Variants in TIGD3 observed in about 807,000 individuals in gnomAD.
TIGD3 encodes tigger transposable element derived 3, also known as tigger transposable element-derived protein 3.
In TIGD3, 7 loss-of-function variants were observed where a neutral mutation model predicts 14.8. The observed-to-expected ratio is 0.47, with a 90% CI of 0.27 to 0.89. TIGD3 has a LOEUF of 0.89. TIGD3 is among the 40% of genes least tolerant of loss of function. The probability of loss-of-function intolerance (pLI) is 0.13; values close to 1 mark genes in which losing one functional copy is unlikely to be tolerated. For synonymous variants in TIGD3, 243 were observed against 269.4 expected (o/e 0.90, Z 0.96); for missense variants, 581 against 611.0 (o/e 0.95, Z 0.52).
At position 65,357,035 on chromosome 11, in the gene TIGD3, G is replaced by A. The variant is rs545347445; in HGVS notation, c.1227G>A (p.Lys409=). ...EGEEPRSGVC[K]EEIGTEDEKG... is the part of the protein sequence containing the mutation. The stretch of plus-strand genomic sequence containing the variant: ...AGGAGCCAAGGTCTGGAGTATGTAA[G>A]GAGGAGATAGGCACTGAAGACGAGA... The change falls in exon 2 of 2, where the codon AAG becomes AAA. Residue 409 remains lysine, a synonymous_variant. Transcript: ENST00000309880. The A allele has an allele frequency of 8.7e-6, 14 of 1,613,988 alleles. No homozygotes were observed. In the East Asian group the frequency reaches 1.6e-4, roughly 18 times the overall value.
At chr11:65,355,266 C>T (rs1854831598) in intron 1 of TIGD3, among the ~76,000 whole-genome samples, 1 of 152,084 alleles carries the variant, frequency 6.6e-6, no homozygotes. Flanking sequence ...CAGGACCCGG[C>T]ACCAAATTAG....
At position 65,357,033 on chromosome 11, in the gene TIGD3, AAGG is replaced by A. The variant is rs762197302; in HGVS notation, c.1231_1233del (p.Glu411del). On this transcript the variant is annotated inframe_deletion, in exon 2 of 2. Coordinates refer to ENST00000309880, the MANE Select transcript of TIGD3 (RefSeq NM_145719.3). ...TGAGGAGCCAAGGTCTGGAGTATGTAAGGAGGAGATAGGCACTGAAGACGAGAA... is the reference window on the plus strand; with the variant it reads ...TGAGGAGCCAAGGTCTGGAGTATGTAAGGAGATAGGCACTGAAGACGAGAA... 1.2e-6 allele frequency: 2 copies of A among 1,613,934 alleles called. No individual in the cohort carries two copies. Among genetic ancestry groups the A allele is most frequent in the South Asian group, 1.1e-5 (1 of 91,074 alleles).
intron 1 of TIGD3, 57 bp downstream of exon 1, chr11:65,355,014 A>G (rs1473001971): frequency 2.0e-5 from 3 of 151,598 alleles, no homozygotes; most frequent in Non-Finnish European, 2.9e-5. Context: ...CCGCCGACAT[A>G]CTCCGGGTCG....
In TIGD3 at chr11:65,356,524, T is replaced by A. The variant is rs1482345698; in HGVS notation, c.716T>A (p.Leu239Gln). Residue 239 changes from leucine (L) to glutamine (Q), a missense_variant, in exon 2 of 2, where the codon CTG becomes CAG. Physicochemically the swap from Leu to Gln is moderately radical, Grantham distance 113. Transcript: ENST00000309880. This position sits in a 1 kb window ranked among gnomAD's most constrained non-coding sequence, Gnocchi z 5.2. ...EALPASYHPD[L>Q]GIPWLEWLAQ... Reference sequence around the variant, plus strand: ...CTGCCTGCCTCCTACCACCCGGACCTGGGCATCCCCTGGTTAGAGTGGTTG... The same window carrying A: ...CTGCCTGCCTCCTACCACCCGGACCAGGGCATCCCCTGGTTAGAGTGGTTG... 6 of 1,607,068 alleles carry A rather than the reference T, an allele frequency of 3.7e-6. No individual in the cohort carries two copies. Among genetic ancestry groups the A allele is most frequent in the Non-Finnish European group, 4.2e-6 (5 of 1,179,944 alleles).
Position 65,356,226 on chromosome 11 carries a change from G to GTTCT in TIGD3, c.420_423dup (p.Ala142SerfsTer8), listed in dbSNP as rs1453637466. The GTTCT allele has an allele frequency of 5.0e-6, 8 of 1,613,022 alleles. No homozygotes were observed. The highest frequency in any genetic ancestry group is 6.8e-6 in the Non-Finnish European group (8 of 1,180,036). ...CAACGTCGGCTTTGGGGCCCGCCAT[G>GTTCT]TTCTTGCGCCTTCATTCCCCCCTGA... On this transcript the variant is annotated frameshift_variant, in exon 2 of 2. Coordinates refer to ENST00000309880, the MANE Select transcript of TIGD3 (RefSeq NM_145719.3). LOFTEE classifies it high-confidence loss of function. The surrounding 1 kb of genome is among the most constrained non-coding windows in gnomAD (Gnocchi z 5.2).
rs1184306114 is a variant in TIGD3, at chr11:65,354,793, C to T, written c.-181C>T. The T allele has an allele frequency of 2.7e-5, 4 of 150,692 alleles. No homozygotes were observed. Among genetic ancestry groups the T allele is most frequent in the Non-Finnish European group, 4.4e-5 (3 of 67,612 alleles). 9.3% of individuals were successfully genotyped at this position (150,692 alleles called of 1,614,324 possible). A position where few individuals can be genotyped will look rare whatever the true frequency, so the allele number is the denominator to read the frequency against. ...CGGCGCGGGCGGCGCGCACGGGACT[C>T]TGCTGTGCGCGCGCCCGCCCGCCCG... On this transcript the variant is annotated 5_prime_UTR_variant, in exon 1 of 2. Transcript: ENST00000309880.
In TIGD3 at chr11:65,355,992, G is replaced by C; in HGVS notation, c.184G>C (p.Gly62Arg). ...KEKLLADWCS[G>R]TANRERKRKR... is the part of the protein sequence containing the mutation. ...GAAGCTGCTGGCGGACTGGTGCAGC[G>C]GCACAGCCAACCGAGAGCGCAAGCG... Residue 62 changes from glycine (G) to arginine (R), a missense_variant, in exon 2 of 2, where the codon GGC becomes CGC. Physicochemically the swap from Gly to Arg is moderately radical, Grantham distance 125 (BLOSUM62 -2). Transcript: ENST00000309880. The C allele has an allele frequency of 6.2e-7, 1 of 1,613,806 alleles. No homozygotes were observed. Among genetic ancestry groups the C allele is most frequent in the Non-Finnish European group, 8.5e-7 (1 of 1,180,044 alleles).
In TIGD3 at chr11:65,357,312, C is replaced by A; in HGVS notation, c.*88C>A. 1 of 1,262,490 alleles carries A rather than the reference C, an allele frequency of 7.9e-7. No homozygotes were observed. The highest frequency in any genetic ancestry group is 1.1e-6 in the Non-Finnish European group (1 of 900,900). 78.2% of individuals were successfully genotyped at this position (1,262,490 alleles called of 1,614,324 possible). ...AGAAGGCAGATCGGGCTGTCTCTTT[C>A]CTGTGGAAATAGAACTGTCGTAAAG... On this transcript the variant is annotated 3_prime_UTR_variant, in exon 2 of 2. Coordinates refer to ENST00000309880, the MANE Select transcript of TIGD3 (RefSeq NM_145719.3).
Position 65,356,220 on chromosome 11 carries a change from C to A in TIGD3, c.412C>A (p.Arg138Ser). ...KRRNNVGFGA[R>S]HVLAPSFPPE... ...CCGAAACAACGTCGGCTTTGGGGCC[C>A]GCCATGTTCTTGCGCCTTCATTCCC... is the stretch of plus-strand genomic sequence containing the variant. The change falls in exon 2 of 2, where the codon CGC becomes AGC. Residue 138 changes from arginine (R) to serine (S), a missense_variant. Coordinates refer to ENST00000309880, the MANE Select transcript of TIGD3 (RefSeq NM_145719.3). The surrounding 1 kb of genome is among the most constrained non-coding windows in gnomAD (Gnocchi z 5.2). 1 of 1,613,030 alleles carries A rather than the reference C, an allele frequency of 6.2e-7. No homozygotes were observed. Among genetic ancestry groups the A allele is most frequent in the Non-Finnish European group, 8.5e-7 (1 of 1,180,012 alleles).
Position 65,357,089 on chromosome 11 carries a change from C to T in TIGD3, c.1281C>T (p.Pro427=). ...EKGDREGAFE[P]LPTKADALRA... ...GGGACAGAGAGGGTGCCTTTGAGCCCCTGCCCACCAAAGCTGATGCCCTCC... is the reference window on the plus strand; with the variant it reads ...GGGACAGAGAGGGTGCCTTTGAGCCTCTGCCCACCAAAGCTGATGCCCTCC... The change falls in exon 2 of 2, where the codon CCC becomes CCT. Residue 427 remains proline (P), a synonymous_variant. Transcript: ENST00000309880. The T allele has an allele frequency of 6.2e-7, 1 of 1,613,794 alleles. No homozygotes were observed. Among genetic ancestry groups the T allele is most frequent in the Non-Finnish European group, 8.5e-7 (1 of 1,179,798 alleles).
rs772736401 is a variant in TIGD3 at position 65,356,675 on chromosome 11, C to T, written c.867C>T (p.Ala289=). 19 of 1,613,212 alleles carry T rather than the reference C, an allele frequency of 1.2e-5. No individual in the cohort carries two copies. Among genetic ancestry groups the T allele is most frequent in the Non-Finnish European group, 1.4e-5 (16 of 1,180,022 alleles). The change falls in exon 2 of 2, where the codon GCC becomes GCT. Residue 289 remains alanine, a synonymous_variant. Coordinates refer to ENST00000309880, the MANE Select transcript of TIGD3 (RefSeq NM_145719.3). This position sits in a 1 kb window ranked among gnomAD's most constrained non-coding sequence, Gnocchi z 5.2. ...ACGTGAAGCTCTTGCCTCTGGCCGC[C>T]TCTAGCACCACGCCTCCCCTGCCCA... ...LYHVKLLPLA[A]SSTTPPLPSS...
At position 65,355,829 on chromosome 11, in the gene TIGD3, G is replaced by T. The variant is rs1224864861; in HGVS notation, c.21G>T (p.Lys7Asn). 4 of 1,612,740 alleles carry T rather than the reference G, an allele frequency of 2.5e-6. No homozygotes were observed. Among genetic ancestry groups the T allele is most frequent in the East Asian group, 2.2e-5 (1 of 44,854 alleles). Residue 7 changes from lysine to asparagine, a missense_variant, in exon 2 of 2, where the codon AAG becomes AAT. Lys to Asn is a moderately conservative substitution (Grantham distance 94, BLOSUM62 0). Transcript: ENST00000309880. ...AGGCCATGGAGCTGAGCAGCAAGAA[G>T]AAGCTTCACGCCCTGTCCCTGGCCG... MELSSK[K>N]KLHALSLAEK... is the part of the protein sequence containing the mutation.
Position 65,356,356 on chromosome 11 carries a change from G to A in TIGD3, c.548G>A (p.Arg183Gln). 6.2e-7 allele frequency: 1 copy of A among 1,611,856 alleles called. No homozygotes were observed. Among genetic ancestry groups the A allele is most frequent in the East Asian group, 2.2e-5 (1 of 44,890 alleles). ...TGTGCTGAATTGCCCTTGCTGTATC[G>A]GGCAGTGCCCGGCAGCTTTGGTGCA... ...FGCAELPLLY[R>Q]AVPGSFGACD... is the part of the protein sequence containing the mutation. Residue 183 changes from arginine (R) to glutamine (Q), a missense_variant, in exon 2 of 2, where the codon CGG becomes CAG. Physicochemically the swap from Arg to Gln is conservative, Grantham distance 43. Transcript: ENST00000309880. This position sits in a 1 kb window ranked among gnomAD's most constrained non-coding sequence, Gnocchi z 5.2.
chr11:65,356,839 C>A lies in TIGD3; in HGVS notation c.1031C>A (p.Ala344Glu). The stretch of plus-strand genomic sequence containing the variant: ...ACCGTGCTGGACGCCCTGCACGTGG[C>A]GTCTGCCGCCTGGGCCAAGGTGCCT... ...GITVLDALHV[A>E]SAAWAKVPPQ... Residue 344 changes from alanine to glutamate, a missense_variant, in exon 2 of 2, where the codon GCG becomes GAG. Ala to Glu is a moderately radical substitution (Grantham distance 107). Coordinates refer to ENST00000309880, the MANE Select transcript of TIGD3 (RefSeq NM_145719.3). The surrounding 1 kb of genome is among the most constrained non-coding windows in gnomAD (Gnocchi z 5.2). The A allele has an allele frequency of 3.7e-6, 6 of 1,613,264 alleles. No individual in the cohort carries two copies. Among genetic ancestry groups the A allele is most frequent in the Non-Finnish European group, 5.1e-6 (6 of 1,179,994 alleles).
In TIGD3 at chr11:65,356,373, T is replaced by A. The variant is rs139590583; in HGVS notation, c.565T>A (p.Phe189Ile). 46 of 1,611,194 alleles carry A rather than the reference T, an allele frequency of 2.9e-5. No homozygotes were observed. The highest frequency in any genetic ancestry group is 3.6e-5 in the Non-Finnish European group (43 of 1,180,014). Reference sequence around the variant, plus strand: ...GCTGTATCGGGCAGTGCCCGGCAGCTTTGGTGCATGTGATCAAGTACAGGT... The same window carrying A: ...GCTGTATCGGGCAGTGCCCGGCAGCATTGGTGCATGTGATCAAGTACAGGT... Reference protein sequence around the residue: ...PLLYRAVPGSFGACDQVQVLL... With the variant: ...PLLYRAVPGSIGACDQVQVLL... Residue 189 changes from phenylalanine to isoleucine, a missense_variant, in exon 2 of 2, where the codon TTT becomes ATT. Phe to Ile is a conservative substitution (Grantham distance 21). Coordinates refer to ENST00000309880, the MANE Select transcript of TIGD3 (RefSeq NM_145719.3). The surrounding 1 kb of genome is among the most constrained non-coding windows in gnomAD (Gnocchi z 5.2).
rs766293465 is a variant in TIGD3 at position 65,356,244 on chromosome 11, C to T, written c.436C>T (p.Pro146Ser). 2 of 1,613,166 alleles carry T rather than the reference C, an allele frequency of 1.2e-6. No individual in the cohort carries two copies. The highest frequency in any genetic ancestry group is 8.5e-7 in the Non-Finnish European group (1 of 1,180,038). The change falls in exon 2 of 2, where the codon CCC becomes TCC. Residue 146 changes from proline (P) to serine (S), a missense_variant. Pro to Ser is a moderately conservative substitution (Grantham distance 74). Transcript: ENST00000309880. The surrounding 1 kb of genome is among the most constrained non-coding windows in gnomAD (Gnocchi z 5.2). ...GARHVLAPSFPPEPPPPGLTS... is the reference protein window; with the variant it reads ...GARHVLAPSFSPEPPPPGLTS... ...CCGCCATGTTCTTGCGCCTTCATTC[C>T]CCCCTGAGCCACCTCCCCCGGGGCT...
rs553752532 is a variant in TIGD3 at position 65,357,298 on chromosome 11, C to A, written c.*74C>A. 3 of 1,361,306 alleles carry A rather than the reference C, an allele frequency of 2.2e-6. No individual in the cohort carries two copies. The highest frequency in any genetic ancestry group is 3.1e-6 in the Non-Finnish European group (3 of 977,894). The allele number at this position is 1,361,306 out of a possible 1,614,324, so 84.3% of individuals were successfully genotyped here. A position where few individuals can be genotyped will look rare whatever the true frequency, so the allele number is the denominator to read the frequency against. ...GAAACGGCCTCTTCAGAAGGCAGAT[C>A]GGGCTGTCTCTTTCCTGTGGAAATA... On this transcript the variant is annotated 3_prime_UTR_variant, in exon 2 of 2. Transcript: ENST00000309880.
In TIGD3 at chr11:65,356,932, A is replaced by G; in HGVS notation, c.1124A>G (p.His375Arg). The G allele has an allele frequency of 1.2e-6, 2 of 1,614,098 alleles. No individual in the cohort carries two copies. The highest frequency in any genetic ancestry group is 1.3e-5 in the African/African-American group (1 of 75,062). Residue 375 changes from histidine (H) to arginine (R), a missense_variant, in exon 2 of 2, where the codon CAC becomes CGC. Physicochemically the swap from His to Arg is conservative, Grantham distance 29. Transcript: ENST00000309880. This position sits in a 1 kb window ranked among gnomAD's most constrained non-coding sequence, Gnocchi z 5.2. ...CCCGGCAAAACGCCCCCGTCCTCGC[A>G]CAAAACCTCTGAGATGCCACCAGTC... is the stretch of plus-strand genomic sequence containing the variant. The part of the protein sequence containing the change: ...LAPGKTPPSS[H>R]KTSEMPPVPG...
chr11:65,357,420 TG>T lies in TIGD3; in HGVS notation c.*200del, dbSNP rs1217382846. 3.4e-6 allele frequency: 2 copies of T among 591,884 alleles called. No homozygotes were observed. The highest frequency in any genetic ancestry group is 6.1e-6 in the Non-Finnish European group (2 of 329,560). 36.7% of individuals were successfully genotyped at this position (591,884 alleles called of 1,614,324 possible). A position where few individuals can be genotyped will look rare whatever the true frequency, so the allele number is the denominator to read the frequency against. ...AACCCCAGGAAGAGAGCTCTAAAGA[TG>T]GGGCTTCGGGGGTAGGAATCCAGGA... On this transcript the variant is annotated 3_prime_UTR_variant, in exon 2 of 2. Coordinates refer to ENST00000309880, the MANE Select transcript of TIGD3 (RefSeq NM_145719.3).
Sources: gnomAD v4.1 joint callset for allele counts (sites outside exome capture counted in the v4.1 genomes callset) on GRCh38, gnomAD v4.1.1 for gene constraint, Gnocchi (gnomAD v3.1) non-coding constraint, MANE v1.5 for transcripts, NCBI Gene and HGNC (gene_info 2026-07-23, HGNC 2026-07-21) for gene names.